ESR2: variants seen among roughly 807,000 people sequenced by gnomAD.
ESR2 encodes estrogen receptor 2.
Under a neutral mutation model 49.6 loss-of-function variants are expected in ESR2, and 36 were observed. That is an observed-to-expected ratio of 0.73 (90% CI 0.56 to 0.96). ESR2 has a LOEUF of 0.96. Among genes scored for constraint, ESR2 ranks in the 40% least tolerant of loss-of-function variants. ESR2 has a pLI of 0.00. For synonymous variants in ESR2, 320 were observed against 266.1 expected (o/e 1.20, Z -1.97); for missense variants, 714 against 693.0 (o/e 1.03, Z -0.34).
intron 7 of ESR2, among the ~76,000 whole-genome samples, chr14:64,235,875 G>A (rs900489385): frequency 6.6e-6 from 1 of 152,132 alleles, no homozygotes; most frequent in African/African-American, 2.4e-5. Context: ...CCAACTCTAG[G>A]ATTGAGATAC....
At chr14:64,272,276 C>G (rs2076464879) in intron 3 of ESR2, among the ~76,000 whole-genome samples, 1 of 152,014 alleles carries the variant, frequency 6.6e-6, no homozygotes, top group African/African-American at 2.4e-5. Context: ...GTTGTTTGAG[C>G]TCCTTCTATA....
At chr14:64,268,682 C>CTTAA in intron 4 of ESR2, 113 bp downstream of exon 4, 2 of 693,434 alleles carry the variant, frequency 2.9e-6, no homozygotes, top group South Asian at 3.4e-5. Context: ...CACGCAAATA[C>CTTAA]TTAATTACTA....
rs1026334520 is a variant in ESR2 at position 64,230,535 on chromosome 14, T to C, written c.*2602A>G. 1.3e-5 allele frequency among the ~76,000 whole-genome samples: 2 copies of C among 152,182 alleles called. No homozygotes were observed. The highest frequency in any genetic ancestry group is 4.8e-5 in the African/African-American group (2 of 41,442). ...TACAGCTCCTGCCGATTTTGCACTA[T>C]TTTTAATGCAGTTGAGTCTTCAGAT... is the stretch of plus-strand genomic sequence containing the variant. On this transcript the variant is annotated 3_prime_UTR_variant, in exon 9 of 9. Coordinates refer to ENST00000341099, the MANE Select transcript of ESR2 (RefSeq NM_001437.3).
intron 1 of ESR2, among the ~76,000 whole-genome samples, chr14:64,285,046 T>C (rs908977627): frequency 6.6e-6 from 1 of 152,012 alleles, no homozygotes; most frequent in Non-Finnish European, 1.5e-5. Flanking sequence ...AGACGGCGTT[T>C]CACCATGTTG....
chr14:64,260,336 T>G, intron 5 of ESR2, 113 bp downstream of exon 5: 1 of 1,053,702 alleles, frequency 9.5e-7, no homozygotes, highest in South Asian at 1.3e-5. Context: ...GCTGAGGACC[T>G]GTTAAATATC....
In ESR2 at chr14:64,231,246, T is replaced by C. The variant is rs1353412157; in HGVS notation, c.*1891A>G. 6.6e-6 allele frequency: 1 copy of C among 152,170 alleles called. No individual in the cohort carries two copies. Among genetic ancestry groups the C allele is most frequent in the African/African-American group, 2.4e-5 (1 of 41,444 alleles). The allele number at this position is 152,170 out of a possible 1,614,324, so 9.4% of individuals were successfully genotyped here. On this transcript the variant is annotated 3_prime_UTR_variant, in exon 9 of 9. Transcript: ENST00000341099. The stretch of plus-strand genomic sequence containing the variant: ...TCTTTTAAAAATACATTTAATAGAA[T>C]TTCACTGGCAGATAATGAGTTGCTG...
At chr14:64,288,917 T>C (rs1369115834) in intron 1 of ESR2, among the ~76,000 whole-genome samples, 18 of 131,450 alleles carry the variant, frequency 1.4e-4, no homozygotes, top group Non-Finnish European at 4.7e-5. Flanking sequence ...ACCCAGGAGG[T>C]GGAGGTTGCG....
chr14:64,298,281 ACTGT>A (rs1356843953), upstream of ESR2: 1 of 152,162 alleles, frequency 6.6e-6, no homozygotes, highest in East Asian at 1.9e-4. Context: ...ATTCCCTGGG[ACTGT>A]CTATTTTACA....
chr14:64,296,218 T>C (rs1232600997), upstream of ESR2, among the ~76,000 whole-genome samples: 1 of 152,156 alleles, frequency 6.6e-6, no homozygotes, highest in East Asian at 1.9e-4. Context: ...TACCTGACGC[T>C]GTGCTAAGCA....
Position 64,290,273 on chromosome 14 carries a change from G to A in ESR2, c.-91+3760C>T, listed in dbSNP as rs186867061. ...TTTTGTAGAGATAGGGTCTCACTGT[G>A]TTGCCCAGATTGATCTTGAACTCCT... On this transcript the variant is annotated intron_variant, in intron 1 of 8. Coordinates refer to ENST00000341099, the MANE Select transcript of ESR2 (RefSeq NM_001437.3). Among the ~76,000 whole-genome samples, 14 of 152,202 alleles carry A rather than the reference G, an allele frequency of 9.2e-5. No homozygotes were observed. The East Asian group carries it at 2.7e-3, about 29-fold the overall frequency.
intron 4 of ESR2, among the ~76,000 whole-genome samples, chr14:64,268,361 C>A (rs1190929561): frequency 6.6e-6 from 1 of 152,202 alleles, no homozygotes; most frequent in East Asian, 1.9e-4. Flanking sequence ...CCCATGGCTA[C>A]CCCAGTAACC....
At chr14:64,313,934 T>C (rs1002385302) in intron 1 of ESR2, among the ~76,000 whole-genome samples, 4 of 151,242 alleles carry the variant, frequency 2.6e-5, no homozygotes, top group Admixed American at 6.6e-5. Flanking sequence ...TCCACTATTG[T>C]TGGAGGATTC....
intron 1 of ESR2, among the ~76,000 whole-genome samples, chr14:64,314,220 C>G (rs1341786558): frequency 6.6e-6 from 1 of 151,516 alleles, no homozygotes; most frequent in African/African-American, 2.4e-5. Flanking sequence ...TAACAGATAA[C>G]AGGAAAATCT....
intron 1 of ESR2, among the ~76,000 whole-genome samples, chr14:64,305,290 C>CAAAA (rs567349725): frequency 8.0e-5 from 8 of 100,340 alleles, no homozygotes; most frequent in East Asian, 3.6e-4. Context: ...GACTCCGTCT[C>CAAAA]AAAAAAAAAA....
chr14:64,306,916 T>C (rs1247344340), intron 1 of ESR2, among the ~76,000 whole-genome samples: 1 of 152,178 alleles, frequency 6.6e-6, no homozygotes, highest in African/African-American at 2.4e-5. Flanking sequence ...GAGTTTTCCT[T>C]GTAGGAAGGT....
intron 1 of ESR2, among the ~76,000 whole-genome samples, chr14:64,331,110 C>T (rs997933003): frequency 6.6e-6 from 1 of 151,894 alleles, no homozygotes; most frequent in African/African-American, 2.4e-5. Context: ...GATTAAAAAA[C>T]AAAACTATAT....
intron 1 of ESR2, chr14:64,337,484 T>C (rs991602225): frequency 2.0e-5 from 3 of 152,164 alleles, no homozygotes; most frequent in African/African-American, 7.2e-5. Flanking sequence ...GAAGCTCTTA[T>C]ATTACACTGT....
chr14:64,271,319 T>C (rs1452698164), intron 3 of ESR2, among the ~76,000 whole-genome samples: 3 of 121,732 alleles, frequency 2.5e-5, no homozygotes, highest in Non-Finnish European at 5.4e-5. Flanking sequence ...ACAAGTTCAA[T>C]TGTTTTCTTT....
At chr14:64,258,869 T>C (rs1029818554) in intron 5 of ESR2, among the ~76,000 whole-genome samples, 6 of 152,326 alleles carry the variant, frequency 3.9e-5, no homozygotes, top group Admixed American at 6.5e-5. Context: ...TTAATATATA[T>C]TTTTTGGTTT....
Sources: allele counts gnomAD v4.1 joint callset (sites outside exome capture counted in the v4.1 genomes callset), GRCh38; gene constraint gnomAD v4.1.1; transcripts MANE v1.5; gene names NCBI Gene and HGNC (gene_info 2026-07-23, HGNC 2026-07-21).